The following CD86 variants were observed in gnomAD, a reference collection of about 807,000 sequenced individuals.
CD86 encodes the protein CD86 molecule, also known as T-lymphocyte activation antigen CD86.
In CD86, 11 loss-of-function variants were observed where a neutral mutation model predicts 32.1. The observed-to-expected ratio is 0.34, with a 90% CI of 0.22 to 0.57. CD86 has a LOEUF of 0.57. Ranked by LOEUF, CD86 falls within the 20% of genes least tolerant of loss-of-function variation. The pLI is 0.86. For synonymous variants in CD86, 137 were observed against 135.3 expected (o/e 1.01, Z -0.09); for missense variants, 359 against 398.4 (o/e 0.90, Z 0.84).
intron 5 of CD86, among the ~76,000 whole-genome samples, chr3:122,115,026 C>G (rs2073229113): frequency 6.6e-6 from 1 of 151,928 alleles, no homozygotes; most frequent in South Asian, 2.1e-4. Context: ...GCCAGAGAAA[C>G]AAGACTAGAA....
intron 5 of CD86, 126 bp downstream of exon 5, chr3:122,109,534 A>G (rs980009133): frequency 6.4e-6 from 7 of 1,100,624 alleles, no homozygotes; most frequent in African/African-American, 1.6e-5. Context: ...TTGGGAAAAA[A>G]GGTTTTCCCT....
chr3:122,094,255 C>T (rs945914203), intron 2 of CD86, among the ~76,000 whole-genome samples: 12 of 152,176 alleles, frequency 7.9e-5, no homozygotes, highest in African/African-American at 2.7e-4. Flanking sequence ...AAAGTAAAGC[C>T]GAGACACTCT....
chr3:122,075,038 T>G (rs1265336158), intron 1 of CD86, among the ~76,000 whole-genome samples: 1 of 151,674 alleles, frequency 6.6e-6, no homozygotes, highest in African/African-American at 2.4e-5. Flanking sequence ...ATTGGCTGAC[T>G]GCTGGCCTGT....
chr3:122,115,400 C>T lies in CD86; in HGVS notation c.848-2648C>T, dbSNP rs111904639. On this transcript the variant is annotated intron_variant, in intron 5 of 6. Transcript: ENST00000330540. ...GGAGACATAGGCCATGTTTATGAATCAGAAGACTAGATGTTAAGATAACCA... is the reference window on the plus strand; with the variant it reads ...GGAGACATAGGCCATGTTTATGAATTAGAAGACTAGATGTTAAGATAACCA... Among the ~76,000 whole-genome samples, 616 of 152,136 alleles carry T rather than the reference C, an allele frequency of 4.0e-3. 8 individuals carry two copies. The highest frequency in any genetic ancestry group is 0.022 in the South Asian group (106 of 4,806).
intron 2 of CD86, among the ~76,000 whole-genome samples, chr3:122,093,322 TA>T (rs1387782760): frequency 6.6e-6 from 1 of 152,154 alleles, no homozygotes; most frequent in East Asian, 1.9e-4. Context: ...GCACATGACT[TA>T]TTTTATTTAT....
At chr3:122,109,108 GC>G (rs923495521) in intron 4 of CD86, among the ~76,000 whole-genome samples, 156 bp from the exon 5 acceptor site, 2 of 152,214 alleles carry the variant, frequency 1.3e-5, no homozygotes, top group African/African-American at 4.8e-5. Context: ...GAGGCCCTGA[GC>G]CTGGGACTTT....
intron 1 of CD86, among the ~76,000 whole-genome samples, chr3:122,058,136 T>C (rs1576753692): frequency 6.6e-6 from 1 of 152,228 alleles, no homozygotes; most frequent in Non-Finnish European, 1.5e-5. Flanking sequence ...TTACTATTAC[T>C]GTTTGGATTA....
intron 1 of CD86, among the ~76,000 whole-genome samples, chr3:122,070,781 C>T (rs749845641): frequency 1.3e-5 from 2 of 152,150 alleles, no homozygotes; most frequent in East Asian, 1.9e-4. Context: ...TTTGCAGCAA[C>T]GTTCTATGTA....
At chr3:122,085,708 G>T (rs879504890) in intron 1 of CD86, among the ~76,000 whole-genome samples, 16 of 152,310 alleles carry the variant, frequency 1.1e-4, no homozygotes, top group Middle Eastern at 3.4e-3. Flanking sequence ...CCAGTAATGG[G>T]GTGGGACAGC....
intron 2 of CD86, among the ~76,000 whole-genome samples, chr3:122,097,979 A>C (rs2072935499): frequency 6.6e-6 from 1 of 152,168 alleles, no homozygotes; most frequent in African/African-American, 2.4e-5. Flanking sequence ...GGAGGCTGAG[A>C]TCTTGATTGC....
intron 5 of CD86, among the ~76,000 whole-genome samples, chr3:122,111,153 TCAGA>T (rs2073166097): frequency 6.6e-6 from 1 of 152,218 alleles, no homozygotes. Context: ...AGTTATTTAT[TCAGA>T]CAGTCATCCA....
intron 4 of CD86, among the ~76,000 whole-genome samples, chr3:122,108,054 C>T (rs2107543431): frequency 6.6e-6 from 1 of 152,346 alleles, no homozygotes; most frequent in Admixed American, 6.5e-5. Flanking sequence ...TGCCCCAGGG[C>T]CCTCTGTTAC....
At chr3:122,092,249 T>G (rs1295902272) in intron 2 of CD86, 2 of 152,522 alleles carry the variant, frequency 1.3e-5, no homozygotes, top group Admixed American at 6.5e-5. Context: ...AGCTGAAGCT[T>G]CAGAGCCCTC....
At chr3:122,085,075 G>A (rs2072694861) in intron 1 of CD86, among the ~76,000 whole-genome samples, 1 of 152,046 alleles carries the variant, frequency 6.6e-6, no homozygotes, top group Non-Finnish European at 1.5e-5. Flanking sequence ...AACTGTTTCT[G>A]GTTTTGCTCA....
chr3:122,079,122 C>G (rs980356750), intron 1 of CD86, among the ~76,000 whole-genome samples: 1 of 152,128 alleles, frequency 6.6e-6, no homozygotes, highest in Admixed American at 6.6e-5. Flanking sequence ...GTGGGGAAAT[C>G]ACATTAATTT....
At chr3:122,080,337 G>A (rs2072614174) in intron 1 of CD86, among the ~76,000 whole-genome samples, 1 of 152,002 alleles carries the variant, frequency 6.6e-6, no homozygotes, top group Admixed American at 6.6e-5. Flanking sequence ...TTTGAAATAG[G>A]GTGTGCCTTG....
intron 3 of CD86, among the ~76,000 whole-genome samples, chr3:122,105,146 T>G (rs1462191345): frequency 1.3e-5 from 2 of 152,196 alleles, no homozygotes; most frequent in Admixed American, 6.5e-5. Flanking sequence ...CAAAATGTGG[T>G]CAGGTACCAT....
intron 1 of CD86, among the ~76,000 whole-genome samples, chr3:122,072,386 C>T (rs2072500775): frequency 6.6e-6 from 1 of 152,076 alleles, no homozygotes; most frequent in Admixed American, 6.5e-5. Context: ...TTCTCTCCAG[C>T]ACCTGTTGTT....
At position 122,120,270 on chromosome 3, in the gene CD86, A is replaced by G. The variant is rs976027402; in HGVS notation, c.*736A>G. On this transcript the variant is annotated 3_prime_UTR_variant, in exon 7 of 7. Transcript: ENST00000330540. ...GGAGGCTTGCCCCACCCAACAAGCC[A>G]TAGTGGAGAGAACTGAATAAACAGG... is the stretch of plus-strand genomic sequence containing the variant. 2.6e-5 allele frequency: 4 copies of G among 152,248 alleles called. No individual in the cohort carries two copies. The highest frequency in any genetic ancestry group is 6.5e-5 in the Admixed American group (1 of 15,270). The allele number at this position is 152,248 out of a possible 1,614,324, so 9.4% of individuals were successfully genotyped here.
Sources: allele counts gnomAD v4.1 joint callset (sites outside exome capture counted in the v4.1 genomes callset), GRCh38; gene constraint gnomAD v4.1.1; transcripts MANE v1.5; gene names NCBI Gene and HGNC (gene_info 2026-07-23, HGNC 2026-07-21).